Variants in FYN observed in about 807,000 individuals in gnomAD.
The protein encoded by FYN is FYN proto-oncogene, Src family tyrosine kinase.
A neutral mutation model predicts 70.2 loss-of-function variants in FYN; 10 were observed. The observed-to-expected ratio is 0.14, with a 90% CI of 0.09 to 0.24. FYN has a LOEUF of 0.24. Ranked by LOEUF, FYN falls within the 10% of genes least tolerant of loss-of-function variation. The probability of loss-of-function intolerance (pLI) is 1.00; values close to 1 mark genes in which losing one functional copy is unlikely to be tolerated. For missense variants in FYN, 319 were observed against 673.1 expected (o/e 0.47, Z 5.82); for synonymous variants, 236 against 248.6 (o/e 0.95, Z 0.48).
At chr6:111,674,404 G>T in intron 13 of FYN, 95 bp downstream of exon 13, 1 of 1,363,802 alleles carries the variant, frequency 7.3e-7, no homozygotes, top group Non-Finnish European at 1.0e-6. Context: ...GAAAGCTGAG[G>T]ATGGGGCTTA....
At position 111,696,393 on chromosome 6, in the gene FYN, T is replaced by C; in HGVS notation, c.926A>G (p.Glu309Gly). 1 of 1,613,260 alleles carries C rather than the reference T, an allele frequency of 6.2e-7. No homozygotes were observed. The highest frequency in any genetic ancestry group is 2.2e-5 in the East Asian group (1 of 44,876). ...GATCTGCGCTTCCTCAAGGAATGAT[T>C]CGGGGGACATTGTGCCTGGTTTAAG... The part of the protein sequence containing the change: ...KTLKPGTMSP[E>G]SFLEEAQIMK... The change falls in exon 10 of 14, where the codon GAA becomes GGA. Residue 309 changes from glutamate (E) to glycine (G), a missense_variant. Coordinates refer to ENST00000354650, the MANE Select transcript of FYN (RefSeq NM_002037.5).
intron 2 of FYN, among the ~76,000 whole-genome samples, chr6:111,827,219 G>A (rs577450733): frequency 4.6e-5 from 7 of 152,284 alleles, no homozygotes; most frequent in African/African-American, 1.7e-4. Flanking sequence ...TTCATCTAAG[G>A]ATCTCAGAGA....
At chr6:111,673,213 C>A (rs572261942) in intron 13 of FYN, among the ~76,000 whole-genome samples, 12 of 152,308 alleles carry the variant, frequency 7.9e-5, no homozygotes, top group African/African-American at 2.9e-4. Flanking sequence ...TGTGCTCCAT[C>A]CCCCAGGGCG....
chr6:111,777,410 ATTAC>A (rs1770993998), intron 3 of FYN, among the ~76,000 whole-genome samples: 1 of 152,168 alleles, frequency 6.6e-6, no homozygotes. Context: ...CACTTTAAAA[ATTAC>A]TTATAATCTC....
rs535572343 is a variant in FYN at position 111,714,449 on chromosome 6, G to A, written c.248-6C>T. The stretch of plus-strand genomic sequence containing the variant: ...GGCCACAAAGAGTGTCACTCCTGCC[G>A]AAACGAAATTCACAAGAAGGGAGAT... On this transcript the variant is annotated splice_region_variant and splice_polypyrimidine_tract_variant and intron_variant, in intron 4 of 13. Transcript: ENST00000354650. The A allele has an allele frequency of 3.6e-5, 58 of 1,603,664 alleles. No individual in the cohort carries two copies. In the South Asian group the frequency reaches 4.5e-4, roughly 12 times the overall value.
rs75246972 is a variant in FYN at position 111,789,475 on chromosome 6, A to G, written c.-81-8840T>C. ...GATATCATTTCATATTATTATTACT[A>G]TATTTCAACGTTAAGGCCATGAGTA... On this transcript the variant is annotated intron_variant, in intron 2 of 13. Transcript: ENST00000354650. Among the ~76,000 whole-genome samples the G allele has an allele frequency of 4.4e-3, 668 of 152,306 alleles. 9 individuals carry two copies. The highest frequency in any genetic ancestry group is 0.015 in the African/African-American group (640 of 41,558).
intron 2 of FYN, among the ~76,000 whole-genome samples, chr6:111,836,335 T>A (rs889755671): frequency 7.9e-5 from 12 of 152,224 alleles, no homozygotes; most frequent in African/African-American, 2.9e-4. Context: ...GTGATACTCA[T>A]GGGTTAAACA....
intron 9 of FYN, among the ~76,000 whole-genome samples, chr6:111,697,958 CAG>C (rs1799646466): frequency 6.6e-6 from 1 of 152,044 alleles, no homozygotes; most frequent in Admixed American, 6.6e-5. Flanking sequence ...AGATTAAGTC[CAG>C]AGAGAGATGG....
chr6:111,831,006 C>A (rs1773000412), intron 2 of FYN, among the ~76,000 whole-genome samples: 1 of 152,146 alleles, frequency 6.6e-6, no homozygotes, highest in African/African-American at 2.4e-5. Context: ...CCACACATAT[C>A]TTTGGGTCCT....
intron 2 of FYN, among the ~76,000 whole-genome samples, chr6:111,800,304 C>G (rs1020225077): frequency 9.2e-5 from 14 of 151,944 alleles, no homozygotes; most frequent in African/African-American, 3.4e-4. Flanking sequence ...AACACGGTAC[C>G]CCAGAAGAGC....
At chr6:111,791,448 A>C (rs1771619146) in intron 2 of FYN, among the ~76,000 whole-genome samples, 1 of 152,230 alleles carries the variant, frequency 6.6e-6, no homozygotes. Flanking sequence ...ACTTATTTGG[A>C]AATAGGGTTG....
intron 12 of FYN, among the ~76,000 whole-genome samples, chr6:111,679,229 C>A (rs562783698): frequency 6.6e-6 from 1 of 152,334 alleles, no homozygotes; most frequent in Non-Finnish European, 1.5e-5. Context: ...TTGCTCCTAG[C>A]CAAAGTGTTA....
intron 13 of FYN, among the ~76,000 whole-genome samples, chr6:111,673,618 C>CGTTTTTT (rs1798394796): frequency 1.6e-5 from 1 of 62,294 alleles, no homozygotes; most frequent in African/African-American, 5.8e-5. Flanking sequence ...TCGTTTCTAT[C>CGTTTTTT]ATTGTTTTTT....
rs1411301322 is a variant in FYN, at chr6:111,660,804, AT to A, written c.*934del. 6.6e-6 allele frequency: 1 copy of A among 152,226 alleles called. No homozygotes were observed. The highest frequency in any genetic ancestry group is 1.9e-4 in the East Asian group (1 of 5,202). The allele number at this position is 152,226 out of a possible 1,614,324, so 9.4% of individuals were successfully genotyped here. On this transcript the variant is annotated 3_prime_UTR_variant, in exon 14 of 14. Transcript: ENST00000354650. ...TGGTTACAGGTTTATTAAATTAAAA[AT>A]GTCTGAAACATTTCAGCATTCATAT...
chr6:111,710,255 T>C (rs1187675735), intron 5 of FYN, among the ~76,000 whole-genome samples: 2 of 152,146 alleles, frequency 1.3e-5, no homozygotes, highest in East Asian at 3.9e-4. Flanking sequence ...AAGAAAAAAA[T>C]GGCTAGCATC....
At chr6:111,843,644 T>A (rs1363949943) in intron 2 of FYN, among the ~76,000 whole-genome samples, 1 of 152,218 alleles carries the variant, frequency 6.6e-6, no homozygotes. Flanking sequence ...GGAATGATGG[T>A]CTTATCGCCA....
At chr6:111,680,223 T>C (rs1047061698) in intron 12 of FYN, among the ~76,000 whole-genome samples, 3 of 152,182 alleles carry the variant, frequency 2.0e-5, no homozygotes, top group Admixed American at 6.5e-5. Context: ...CTACCACAAG[T>C]ATTTCTGGAG....
chr6:111,799,957 G>T (rs1771932008), intron 2 of FYN, among the ~76,000 whole-genome samples: 1 of 152,222 alleles, frequency 6.6e-6, no homozygotes, highest in East Asian at 1.9e-4. Context: ...AGGTAGGGCA[G>T]TCCTGTACAA....
intron 2 of FYN, among the ~76,000 whole-genome samples, chr6:111,808,771 C>G (rs1772233380): frequency 6.6e-6 from 1 of 152,212 alleles, no homozygotes. Flanking sequence ...CTGTGCCACA[C>G]CCACTCATGG....
Sources: gnomAD v4.1 joint callset for allele counts (sites outside exome capture counted in the v4.1 genomes callset) on GRCh38, gnomAD v4.1.1 for gene constraint, MANE v1.5 for transcripts, NCBI Gene and HGNC (gene_info 2026-07-23, HGNC 2026-07-21) for gene names.